CCDC85A: variants seen among roughly 807,000 people sequenced by gnomAD.
CCDC85A encodes coiled-coil domain containing 85A.
CCDC85A carries 38 observed loss-of-function variants against 50.2 expected under a neutral mutation model. That is an observed-to-expected ratio of 0.76 (90% CI 0.58 to 0.99). The LOEUF is 0.99. Ranked by LOEUF, CCDC85A falls within the 50% of genes least tolerant of loss-of-function variation. The pLI is 0.00. For synonymous variants in CCDC85A, 366 were observed against 301.4 expected, an observed-to-expected ratio of 1.21 and a Z score of -2.22; for missense variants, 820 against 742.0, an observed-to-expected ratio of 1.11 and a Z score of -1.22.
chr2:56,342,801 A>T, intron 2 of CCDC85A, 78 bp from the exon 3 acceptor site: 1 of 911,246 alleles, frequency 1.1e-6, no homozygotes, highest in South Asian at 1.7e-5. Flanking sequence ...GATTTGAATA[A>T]ATCAAGCCAG....
chr2:56,214,982 ATTGAGTC>A (rs1230088853), intron 2 of CCDC85A, among the ~76,000 whole-genome samples: 1 of 151,968 alleles, frequency 6.6e-6, no homozygotes, highest in Non-Finnish European at 1.5e-5. Flanking sequence ...CTTTAACAGT[ATTGAGTC>A]TTCCAATCCA....
At chr2:56,341,912 A>G (rs1026659215) in intron 2 of CCDC85A, among the ~76,000 whole-genome samples, 4 of 150,676 alleles carry the variant, frequency 2.7e-5, no homozygotes, top group African/African-American at 9.8e-5. Flanking sequence ...AAGAACAAAT[A>G]TTTTTCTTAA....
chr2:56,244,720 T>C (rs1243502561), intron 2 of CCDC85A, among the ~76,000 whole-genome samples: 1 of 151,668 alleles, frequency 6.6e-6, no homozygotes, highest in Non-Finnish European at 1.5e-5. Flanking sequence ...AGGCCCACAG[T>C]GTGTATTACT....
chr2:56,226,630 C>T (rs1668553402), intron 2 of CCDC85A, among the ~76,000 whole-genome samples: 1 of 151,880 alleles, frequency 6.6e-6, no homozygotes, highest in African/African-American at 2.4e-5. Context: ...GTGTTGTGAA[C>T]CTTGGTATTA....
chr2:56,256,333 G>A (rs1194725167), intron 2 of CCDC85A, among the ~76,000 whole-genome samples: 5 of 152,130 alleles, frequency 3.3e-5, no homozygotes, highest in Non-Finnish European at 7.3e-5. Flanking sequence ...CTTTTAGGAT[G>A]GTGTATGAGA....
At chr2:56,239,820 C>T (rs1466669090) in intron 2 of CCDC85A, among the ~76,000 whole-genome samples, 1 of 152,068 alleles carries the variant, frequency 6.6e-6, no homozygotes, top group Non-Finnish European at 1.5e-5. Flanking sequence ...TTGGAGAGTT[C>T]CCTTGAAAGG....
intron 3 of CCDC85A, among the ~76,000 whole-genome samples, chr2:56,358,641 T>A (rs10168154): frequency 0.04 from 6,128 of 152,230 alleles, 402 homozygotes; most frequent in African/African-American, 0.14. Flanking sequence ...AATGAACAAG[T>A]GTGGCTGTAT....
intron 2 of CCDC85A, among the ~76,000 whole-genome samples, chr2:56,281,338 G>A (rs886369844): frequency 1.3e-5 from 2 of 152,092 alleles, no homozygotes; most frequent in Admixed American, 1.3e-4. Context: ...TTTTGTTGAT[G>A]GGACTTGGGT....
At chr2:56,372,876 A>G (rs1676146595) in intron 4 of CCDC85A, among the ~76,000 whole-genome samples, 1 of 152,184 alleles carries the variant, frequency 6.6e-6, no homozygotes, top group African/African-American at 2.4e-5. Context: ...TAGCTTGAAA[A>G]CAAGCCACTT....
intron 2 of CCDC85A, among the ~76,000 whole-genome samples, chr2:56,266,707 G>A (rs146619626): frequency 6.6e-6 from 1 of 150,610 alleles, no homozygotes; most frequent in East Asian, 2.0e-4. Context: ...AGTCTTACAT[G>A]GGATGTCAGC....
intron 2 of CCDC85A, among the ~76,000 whole-genome samples, chr2:56,227,395 T>C (rs1668586567): frequency 1.3e-5 from 2 of 152,188 alleles, no homozygotes; most frequent in African/African-American, 2.4e-5. Flanking sequence ...TTTATGCTTT[T>C]TTATTAAATG....
chr2:56,243,513 A>T (rs1364384254), intron 2 of CCDC85A, among the ~76,000 whole-genome samples: 1 of 152,094 alleles, frequency 6.6e-6, no homozygotes, highest in East Asian at 1.9e-4. Context: ...TGTTAAATTT[A>T]TCTGATAGAA....
intron 2 of CCDC85A, among the ~76,000 whole-genome samples, chr2:56,289,678 C>T (rs1671614951): frequency 6.6e-6 from 1 of 152,162 alleles, no homozygotes; most frequent in Non-Finnish European, 1.5e-5. Flanking sequence ...TCCCTACCAT[C>T]TTCTTTCCAC....
At chr2:56,247,704 T>C (rs1374263737) in intron 2 of CCDC85A, among the ~76,000 whole-genome samples, 1 of 152,196 alleles carries the variant, frequency 6.6e-6, no homozygotes, top group Non-Finnish European at 1.5e-5. Context: ...AACATAAACC[T>C]GTAAAAAGAT....
At chr2:56,244,485 C>T (rs542187483) in intron 2 of CCDC85A, among the ~76,000 whole-genome samples, 27 of 151,838 alleles carry the variant, frequency 1.8e-4, no homozygotes, top group Admixed American at 9.8e-4. Context: ...TCTGACCCAG[C>T]GTAGGTACAG....
At chr2:56,223,914 A>G (rs1348787408) in intron 2 of CCDC85A, among the ~76,000 whole-genome samples, 1 of 152,028 alleles carries the variant, frequency 6.6e-6, no homozygotes, top group Non-Finnish European at 1.5e-5. Flanking sequence ...GGCTTTCCCT[A>G]CTTCTCTCTT....
intron 2 of CCDC85A, among the ~76,000 whole-genome samples, chr2:56,200,924 A>G (rs1326051588): frequency 2.6e-5 from 4 of 151,824 alleles, no homozygotes; most frequent in African/African-American, 9.7e-5. Flanking sequence ...TTCAGGAATT[A>G]TATCCAATAG....
intron 2 of CCDC85A, among the ~76,000 whole-genome samples, chr2:56,271,760 A>G (rs1320960015): frequency 6.6e-6 from 1 of 152,196 alleles, no homozygotes; most frequent in African/African-American, 2.4e-5. Flanking sequence ...GGAGAGAAGC[A>G]CCAGGTCAGG....
At chr2:56,384,110 A>G (rs988600361) in intron 5 of CCDC85A, among the ~76,000 whole-genome samples, 156 bp from the exon 6 acceptor site, 3 of 151,864 alleles carry the variant, frequency 2.0e-5, no homozygotes, top group African/African-American at 7.2e-5. Flanking sequence ...GAAGCTTGTC[A>G]TCACATTTTA....
Sources: allele counts gnomAD v4.1 joint callset (sites outside exome capture counted in the v4.1 genomes callset), GRCh38; gene constraint gnomAD v4.1.1; transcripts MANE v1.5; gene names NCBI Gene and HGNC (gene_info 2026-07-23, HGNC 2026-07-21).